Variants in ACP6 observed in about 807,000 individuals in gnomAD.
The protein encoded by ACP6 is acid phosphatase 6, lysophosphatidic, also known as lysophosphatidic acid phosphatase type 6.
ACP6 carries 48 observed loss-of-function variants against 48.1 expected under a neutral mutation model. The ratio of observed to expected loss-of-function variants is 1.00; its 90% CI spans 0.79 to 1.27. The LOEUF is 1.27. Ranked by LOEUF, ACP6 falls within the 50% of genes most tolerant of loss-of-function variation. The pLI is 0.00. For synonymous variants in ACP6, 172 were observed against 204.2 expected (o/e 0.84, Z 1.34); for missense variants, 485 against 529.1 (o/e 0.92, Z 0.82).
chr1:147,632,245 CTG>C (rs782769133), intron 5 of ACP6, among the ~76,000 whole-genome samples: 1 of 150,200 alleles, frequency 6.7e-6, no homozygotes, highest in South Asian at 2.1e-4. Flanking sequence ...TATCACGACT[CTG>C]TTTGTATCCT....
intron 5 of ACP6, among the ~76,000 whole-genome samples, chr1:147,635,371 G>T (rs1659271103): frequency 6.6e-6 from 1 of 152,176 alleles, no homozygotes; most frequent in African/African-American, 2.4e-5. Context: ...TGTTAGGAAA[G>T]ACTTACTAGG....
intron 1 of ACP6, among the ~76,000 whole-genome samples, chr1:147,663,280 G>T (rs782741744): frequency 1.4e-5 from 1 of 69,960 alleles, no homozygotes; most frequent in African/African-American, 7.6e-5. Flanking sequence ...TAGAGTGATG[G>T]TTATCAGAGG....
rs587621079 is a variant in ACP6, at chr1:147,661,127, T to C, written c.220-1352A>G. On this transcript the variant is annotated intron_variant, in intron 1 of 9. Transcript: ENST00000583509. ...CTATTAAATCTGTCAAGGTGATCTATGATTTATGATTTGTTTTTCTTTTTG... is the reference window on the plus strand; with the variant it reads ...CTATTAAATCTGTCAAGGTGATCTACGATTTATGATTTGTTTTTCTTTTTG... Among the ~76,000 whole-genome samples, 68 of 152,324 alleles carry C rather than the reference T, an allele frequency of 4.5e-4. 1 individual carries two copies. The South Asian group carries it at 0.013, about 30-fold the overall frequency.
At chr1:147,651,599 T>G (rs587661138) in intron 7 of ACP6, 3 of 151,756 alleles carry the variant, frequency 2.0e-5, no homozygotes, top group Non-Finnish European at 4.4e-5. Flanking sequence ...TCCCAGGGAG[T>G]GGCAGCAAGC....
At chr1:147,669,402 A>G (rs1226963393) in intron 1 of ACP6, among the ~76,000 whole-genome samples, 1 of 152,230 alleles carries the variant, frequency 6.6e-6, no homozygotes, top group African/African-American at 2.4e-5. Flanking sequence ...CTATCACTAA[A>G]GTCCCTTCAG....
intron 3 of ACP6, 87 bp from the exon 4 acceptor site, chr1:147,659,126 C>A: frequency 7.9e-7 from 1 of 1,269,848 alleles, no homozygotes; most frequent in Non-Finnish European, 1.1e-6. Context: ...CTCCAGGGGT[C>A]TTTCAAGAGT....
intron 5 of ACP6, chr1:147,631,159 A>C (rs1659152700): frequency 6.6e-6 from 1 of 152,222 alleles, no homozygotes. Context: ...CAGGCCCAGG[A>C]GAGAAATTAT....
chr1:147,665,224 A>G (rs1660739371), intron 1 of ACP6, among the ~76,000 whole-genome samples: 2 of 152,254 alleles, frequency 1.3e-5, no homozygotes, highest in Non-Finnish European at 2.9e-5. Context: ...ACCTGGCAGC[A>G]TACATCACAA....
rs149388165 is a variant in ACP6 at position 147,669,915 on chromosome 1, C to T, written c.134G>A (p.Arg45His). ...QEADGQCPVD[R>H]SLLKLKMVQV... ...CACCATTTTCAACTTCAGCAGGCTG[C>T]GGTCGACCGGACACTGGCCATCGGC... The change falls in exon 1 of 10, where the codon CGC (arginine) becomes CAC (histidine). Residue 45 changes from arginine (R) to histidine (H), a missense_variant. Arg to His is a conservative substitution (Grantham distance 29). Transcript: ENST00000583509. 7.3e-5 allele frequency: 116 copies of T among 1,584,402 alleles called. No homozygotes were observed. Among genetic ancestry groups the T allele is most frequent in the Non-Finnish European group, 1.0e-4 (116 of 1,164,846 alleles).
chr1:147,648,369 C>A lies in ACP6; in HGVS notation c.1020G>T (p.Pro340=), dbSNP rs141578780. The part of the protein sequence containing the change: ...LYAAHDVTFI[P]LLMTLGIFDH... The stretch of plus-strand genomic sequence containing the variant: ...CAAAAATCCCCAGGGTCATTAAGAG[C>A]GGTATGAAGGTCACATCATGAGCCG... The change falls in exon 9 of 10, where the codon CCG becomes CCT. Residue 340 remains proline (P), a synonymous_variant. Coordinates refer to ENST00000583509, the MANE Select transcript of ACP6 (RefSeq NM_016361.5). 925 of 1,614,134 alleles carry A rather than the reference C, an allele frequency of 5.7e-4. 1 individual carries two copies. The African/African-American group carries it at 0.011, about 20-fold the overall frequency.
At chr1:147,640,728 C>T (rs782501319), downstream of ACP6, among the ~76,000 whole-genome samples, 13 of 152,264 alleles carry the variant, frequency 8.5e-5, no homozygotes, top group South Asian at 6.2e-4. Context: ...TGACTGTGGG[C>T]CACTGCCCCC....
chr1:147,656,332 G>A (rs919023309), intron 4 of ACP6, among the ~76,000 whole-genome samples: 1 of 152,052 alleles, frequency 6.6e-6, no homozygotes, highest in African/African-American at 2.4e-5. Flanking sequence ...TCCAACCTAC[G>A]GCTATTATGT....
Position 147,659,022 on chromosome 1 carries a change from A to G in ACP6, c.497T>C (p.Ile166Thr), listed in dbSNP as rs1660396882. ...PQEVFIRSTN[I>T]FRNLESTRCL... ...ACGGGTGGACTCCAGATTCCGAAAAATGTTAGTGGAACGAATACTGAAAAA... is the reference window on the plus strand; with the variant it reads ...ACGGGTGGACTCCAGATTCCGAAAAGTGTTAGTGGAACGAATACTGAAAAA... The change falls in exon 4 of 10, where the codon ATT (isoleucine) becomes ACT (threonine). Residue 166 changes from isoleucine to threonine, a missense_variant. Transcript: ENST00000583509. 2 of 1,611,968 alleles carry G rather than the reference A, an allele frequency of 1.2e-6. No individual in the cohort carries two copies. The highest frequency in any genetic ancestry group is 1.7e-6 in the Non-Finnish European group (2 of 1,179,130).
In ACP6 at chr1:147,650,136, C is replaced by A. The variant is rs781835741; in HGVS notation, c.977+7G>T. ...GCTGCACAAAGCAGAGTTGCTGTGCCAGGTACCTGATCTTGTCGGGGGCAG... is the reference window on the plus strand; with the variant it reads ...GCTGCACAAAGCAGAGTTGCTGTGCAAGGTACCTGATCTTGTCGGGGGCAG... On this transcript the variant is annotated splice_region_variant and intron_variant, in intron 8 of 9. Transcript: ENST00000583509. 6.2e-7 allele frequency: 1 copy of A among 1,605,272 alleles called. No individual in the cohort carries two copies. The highest frequency in any genetic ancestry group is 8.5e-7 in the Non-Finnish European group (1 of 1,176,078).
At chr1:147,668,788 T>C (rs1384176893) in intron 1 of ACP6, among the ~76,000 whole-genome samples, 6 of 152,214 alleles carry the variant, frequency 3.9e-5, no homozygotes, top group Admixed American at 1.3e-4. Context: ...CAAATGTATT[T>C]ATTTATGTGG....
intron 8 of ACP6, 118 bp downstream of exon 8, chr1:147,650,025 A>C (rs1332239194): frequency 2.5e-6 from 2 of 791,184 alleles, no homozygotes; most frequent in Admixed American, 5.6e-5. Flanking sequence ...CCTGTTAAAC[A>C]TCTACCTTCG....
chr1:147,652,393 A>C, intron 7 of ACP6, 56 bp downstream of exon 7: 4 of 1,537,668 alleles, frequency 2.6e-6, no homozygotes, highest in Middle Eastern at 2.3e-4. Context: ...CCTCTTCCCC[A>C]TACACTTGGA....
chr1:147,636,068 G>A (rs868960050), intron 5 of ACP6, among the ~76,000 whole-genome samples: 2 of 152,130 alleles, frequency 1.3e-5, no homozygotes, highest in Admixed American at 6.5e-5. Flanking sequence ...GGAAACTAAC[G>A]ATGGTACTTG....
downstream of ACP6, among the ~76,000 whole-genome samples, chr1:147,638,309 G>C (rs896688078): frequency 6.6e-6 from 1 of 152,138 alleles, no homozygotes; most frequent in Non-Finnish European, 1.5e-5. Context: ...TACTCTTCTT[G>C]TTCCCATTTT....
Sources: gnomAD v4.1 joint callset for allele counts (sites outside exome capture counted in the v4.1 genomes callset) on GRCh38, gnomAD v4.1.1 for gene constraint, MANE v1.5 for transcripts, NCBI Gene and HGNC (gene_info 2026-07-23, HGNC 2026-07-21) for gene names.